PCDHGA3: variants seen among roughly 807,000 people sequenced by gnomAD.
PCDHGA3 encodes protocadherin gamma subfamily A, 3.
Under a neutral mutation model 58.5 loss-of-function variants are expected in PCDHGA3, and 40 were observed. The ratio of observed to expected loss-of-function variants is 0.68; its 90% confidence interval spans 0.53 to 0.89. The LOEUF is 0.89. Among genes scored for constraint, PCDHGA3 ranks in the 40% least tolerant of loss-of-function variants. The pLI is 0.00. For synonymous variants in PCDHGA3, 530 were observed against 525.7 expected, an observed-to-expected ratio of 1.01 and a Z score of -0.11; for missense variants, 1,223 against 1,195.9, an observed-to-expected ratio of 1.02 and a Z score of -0.33.
At chr5:141,398,867 A>G (rs375842913) in intron 1 of PCDHGA3, 18 of 1,613,862 alleles carry the variant, frequency 1.1e-5, no homozygotes, top group Non-Finnish European at 1.4e-5. Context: ...CGAGACGTGT[A>G]CAGAGTCAGC....
rs773471969 is a variant in PCDHGA3, at chr5:141,422,101, A to G, written c.2425-72706A>G. 11 of 1,610,046 alleles carry G rather than the reference A, an allele frequency of 6.8e-6. No individual in the cohort carries two copies. The highest frequency in any genetic ancestry group is 4.5e-5 in the East Asian group (2 of 44,870). ...GAACATGGAAAGCAAGGCTTCTGAA[A>G]TATTCCAATTGGATTCACAAACTGG... On this transcript the variant is annotated intron_variant, in intron 1 of 3. Coordinates refer to ENST00000253812, the MANE Select transcript of PCDHGA3 (RefSeq NM_018916.4).
chr5:141,356,795 T>A (rs1217688832), intron 1 of PCDHGA3: 1 of 1,613,984 alleles, frequency 6.2e-7, no homozygotes, highest in East Asian at 2.2e-5. Context: ...CAGCTGCTGA[T>A]GACAGCCAGT....
chr5:141,365,396 A>G lies in PCDHGA3; in HGVS notation c.2424+18939A>G, dbSNP rs554930491. ...GATCCTCACCTCTCTGACCAGTTCG[A>G]TCTCTGAAGACTGTCTTCCCGGAAC... On this transcript the variant is annotated intron_variant, in intron 1 of 3. Coordinates refer to ENST00000253812, the MANE Select transcript of PCDHGA3 (RefSeq NM_018916.4). The G allele has an allele frequency of 3.7e-6, 6 of 1,613,940 alleles. No individual in the cohort carries two copies. The Admixed American group carries it at 1.0e-4, about 27-fold the overall frequency.
chr5:141,481,724 C>T (rs1301509633), intron 1 of PCDHGA3, among the ~76,000 whole-genome samples: 2 of 151,882 alleles, frequency 1.3e-5, no homozygotes. Context: ...GAGGCGGAGG[C>T]GGGCGGATCA....
intron 1 of PCDHGA3, chr5:141,389,604 G>C: frequency 6.2e-7 from 1 of 1,613,156 alleles, no homozygotes; most frequent in Non-Finnish European, 8.5e-7. Flanking sequence ...TGCGCTCTTC[G>C]ATATGGTGCC....
chr5:141,477,749 C>A lies in PCDHGA3; in HGVS notation c.2425-17058C>A, dbSNP rs2099417192. The A allele has an allele frequency of 6.2e-7, 1 of 1,613,786 alleles. No homozygotes were observed. Among genetic ancestry groups the A allele is most frequent in the African/African-American group, 1.3e-5 (1 of 74,928 alleles). ...AGCTCATATCAGCGATGGGGGCACCCCGGTCCTAGCCACCAACATCAGCGT... is the reference window on the plus strand; with the variant it reads ...AGCTCATATCAGCGATGGGGGCACCACGGTCCTAGCCACCAACATCAGCGT... On this transcript the variant is annotated intron_variant, in intron 1 of 3. Coordinates refer to ENST00000253812, the MANE Select transcript of PCDHGA3 (RefSeq NM_018916.4). This position sits in a 1 kb window ranked among gnomAD's most constrained non-coding sequence, Gnocchi z 4.9.
chr5:141,356,893 C>T, intron 1 of PCDHGA3: 1 of 1,614,200 alleles, frequency 6.2e-7, no homozygotes, highest in Non-Finnish European at 8.5e-7. Context: ...GATCCTGTAC[C>T]CCACCTTCCC....
At chr5:141,499,779 C>T (rs1450026011) in intron 2 of PCDHGA3, among the ~76,000 whole-genome samples, 3 of 151,452 alleles carry the variant, frequency 2.0e-5, no homozygotes, top group Non-Finnish European at 4.4e-5. Flanking sequence ...CTTCGCCTCC[C>T]GGGTTCAAGC....
At chr5:141,379,474 T>C (rs1775619669) in intron 1 of PCDHGA3, 1 of 152,258 alleles carries the variant, frequency 6.6e-6, no homozygotes, top group Non-Finnish European at 1.5e-5. Context: ...AGTGTGAATG[T>C]TATTTTACTA....
chr5:141,419,276 C>G (rs1361651445), intron 1 of PCDHGA3: 1 of 1,613,920 alleles, frequency 6.2e-7, no homozygotes, highest in African/African-American at 1.3e-5. Flanking sequence ...CTCCATAGCG[C>G]AAGTCAGTGC....
At chr5:141,455,394 C>T (rs1034564159) in intron 1 of PCDHGA3, among the ~76,000 whole-genome samples, 2 of 152,004 alleles carry the variant, frequency 1.3e-5, no homozygotes, top group African/African-American at 4.8e-5. Context: ...AAGGAGCTCC[C>T]CCTTACAGAG....
intron 1 of PCDHGA3, among the ~76,000 whole-genome samples, chr5:141,364,008 C>G (rs553317478): frequency 6.6e-6 from 1 of 152,076 alleles, no homozygotes; most frequent in African/African-American, 2.4e-5. Flanking sequence ...TCATAAACAA[C>G]GCTACACAGT....
At chr5:141,398,980 G>T in intron 1 of PCDHGA3, 1 of 1,613,860 alleles carries the variant, frequency 6.2e-7, no homozygotes, top group Non-Finnish European at 8.5e-7. Context: ...CTACAGAACC[G>T]GGCAAATCTT....
Position 141,490,629 on chromosome 5 carries a change from C to T in PCDHGA3, c.2425-4178C>T, listed in dbSNP as rs1174984711. 1.2e-6 allele frequency: 2 copies of T among 1,614,214 alleles called. No individual in the cohort carries two copies. Among genetic ancestry groups the T allele is most frequent in the East Asian group, 2.2e-5 (1 of 44,882 alleles). On this transcript the variant is annotated intron_variant, in intron 1 of 3. Coordinates refer to ENST00000253812, the MANE Select transcript of PCDHGA3 (RefSeq NM_018916.4). This position sits in a 1 kb window ranked among gnomAD's most constrained non-coding sequence, Gnocchi z 5.4. ...ACCAGCAGCTTTACACTGCTTACAT[C>T]CTAGAAAACCGGCCTCCGGGCTCCC...
chr5:141,381,965 G>A (rs571350764), intron 1 of PCDHGA3, among the ~76,000 whole-genome samples: 2 of 151,078 alleles, frequency 1.3e-5, no homozygotes, highest in Admixed American at 1.3e-4. Context: ...GAGTAGCTGG[G>A]ATTACAGGCG....
At chr5:141,397,395 C>G (rs1382237446) in intron 1 of PCDHGA3, among the ~76,000 whole-genome samples, 1 of 152,048 alleles carries the variant, frequency 6.6e-6, no homozygotes, top group Non-Finnish European at 1.5e-5. Flanking sequence ...ATTGCCACAA[C>G]TTTACAAAAT....
At chr5:141,454,993 T>C (rs2098809479) in intron 1 of PCDHGA3, among the ~76,000 whole-genome samples, 1 of 151,290 alleles carries the variant, frequency 6.6e-6, no homozygotes, top group Non-Finnish European at 1.5e-5. Context: ...AAAATATTTT[T>C]AGTAGAGACG....
At chr5:141,421,320 G>C (rs1561793188) in intron 1 of PCDHGA3, 1 of 1,613,904 alleles carries the variant, frequency 6.2e-7, no homozygotes, top group East Asian at 2.2e-5. Flanking sequence ...GGGCCAGGCA[G>C]ATCCGATATT....
intron 1 of PCDHGA3, chr5:141,351,803 G>A: frequency 6.2e-7 from 1 of 1,613,322 alleles, no homozygotes; most frequent in Non-Finnish European, 8.5e-7. Context: ...CGCGCAGCGC[G>A]CCTTCGACCA....
Sources: allele counts gnomAD v4.1 joint callset (sites outside exome capture counted in the v4.1 genomes callset), GRCh38; gene constraint gnomAD v4.1.1; non-coding constraint Gnocchi (gnomAD v3.1); transcripts MANE v1.5; gene names NCBI Gene and HGNC (gene_info 2026-07-23, HGNC 2026-07-21).